PDE10A: variants seen among roughly 807,000 people sequenced by gnomAD.
PDE10A encodes phosphodiesterase 10A, also known as cAMP and cAMP-inhibited cGMP 3',5'-cyclic phosphodiesterase 10A.
A neutral mutation model predicts 97.7 loss-of-function variants in PDE10A; 39 were observed. The observed-to-expected ratio is 0.40, with a 90% confidence interval of 0.31 to 0.52. PDE10A has a LOEUF of 0.52. Ranked by LOEUF, PDE10A falls within the 20% of genes least tolerant of loss-of-function variation. The pLI, the probability that PDE10A is intolerant of heterozygous loss-of-function variation, is 0.56. For synonymous variants in PDE10A, 371 were observed against 376.8 expected, an observed-to-expected ratio of 0.98 and a Z score of 0.18; for missense variants, 731 against 1,047.8, an observed-to-expected ratio of 0.70 and a Z score of 4.17.
intron 1 of PDE10A, among the ~76,000 whole-genome samples, chr6:165,938,845 A>G (rs1172162275): frequency 1.3e-5 from 2 of 152,250 alleles, no homozygotes; most frequent in Non-Finnish European, 2.9e-5. Context: ...ATGAAATTGT[A>G]GATAATAAAA....
At chr6:165,475,746 T>C (rs1414972728) in intron 3 of PDE10A, among the ~76,000 whole-genome samples, 1 of 152,224 alleles carries the variant, frequency 6.6e-6, no homozygotes, top group African/African-American at 2.4e-5. Context: ...ATTCACTAAC[T>C]GAATTGAGCA....
chr6:165,985,228 G>A (rs1785155110), intron 1 of PDE10A, among the ~76,000 whole-genome samples: 1 of 152,172 alleles, frequency 6.6e-6, no homozygotes, highest in African/African-American at 2.4e-5. Flanking sequence ...TCTCCATCTG[G>A]TTCATTTTTC....
At chr6:165,724,916 G>A (rs1792255102) in intron 1 of PDE10A, among the ~76,000 whole-genome samples, 2 of 152,222 alleles carry the variant, frequency 1.3e-5, no homozygotes, top group African/African-American at 4.8e-5. Context: ...GGTGATATGG[G>A]AGGGGGGCTC....
chr6:165,417,304 C>A (rs549699458), intron 11 of PDE10A, among the ~76,000 whole-genome samples: 6 of 152,196 alleles, frequency 3.9e-5, no homozygotes, highest in Admixed American at 3.9e-4. Flanking sequence ...GTATCAGAAT[C>A]CATTTGATGA....
At chr6:165,523,280 A>G (rs926426454) in intron 2 of PDE10A, among the ~76,000 whole-genome samples, 4 of 152,194 alleles carry the variant, frequency 2.6e-5, no homozygotes, top group African/African-American at 9.6e-5. Context: ...TCTAAAATTC[A>G]TATGGAACCA....
intron 1 of PDE10A, among the ~76,000 whole-genome samples, chr6:165,627,407 T>C (rs1365293682): frequency 6.6e-6 from 1 of 152,242 alleles, no homozygotes; most frequent in Non-Finnish European, 1.5e-5. Context: ...TGCCATATGA[T>C]TAATTCTTAG....
chr6:165,498,791 C>G (rs940067245), intron 2 of PDE10A, among the ~76,000 whole-genome samples: 2 of 152,126 alleles, frequency 1.3e-5, no homozygotes, highest in Non-Finnish European at 2.9e-5. Context: ...AAATCTATCA[C>G]CTTACTTTTG....
intron 5 of PDE10A, among the ~76,000 whole-genome samples, chr6:165,443,211 G>C (rs1344510040): frequency 6.6e-6 from 1 of 151,026 alleles, no homozygotes; most frequent in Non-Finnish European, 1.5e-5. Flanking sequence ...AAACAAGTTA[G>C]TTACTTGTTT....
chr6:165,751,605 CA>C (rs1230331962), intron 1 of PDE10A, among the ~76,000 whole-genome samples: 2 of 152,012 alleles, frequency 1.3e-5, no homozygotes, highest in Non-Finnish European at 2.9e-5. Flanking sequence ...CCCTGCTGAC[CA>C]AAACAGGATC....
At chr6:165,956,473 C>G (rs1217631655) in intron 1 of PDE10A, among the ~76,000 whole-genome samples, 1 of 152,124 alleles carries the variant, frequency 6.6e-6, no homozygotes, top group African/African-American at 2.4e-5. Flanking sequence ...TGATGAAAGT[C>G]ACATAAGAAA....
intron 6 of PDE10A, among the ~76,000 whole-genome samples, chr6:165,433,880 G>A (rs1269104953): frequency 2.0e-5 from 3 of 151,720 alleles, no homozygotes; most frequent in South Asian, 4.2e-4. Context: ...AGCCGGGCGC[G>A]GTGGCAGGCG....
intron 1 of PDE10A, among the ~76,000 whole-genome samples, chr6:165,678,029 T>G: frequency 6.6e-6 from 1 of 151,094 alleles, no homozygotes; most frequent in Admixed American, 6.6e-5. Flanking sequence ...GTGTAGCTGT[T>G]TGTGTGGGTG....
intron 1 of PDE10A, among the ~76,000 whole-genome samples, chr6:165,695,000 A>G (rs1343549900): frequency 6.6e-6 from 1 of 152,236 alleles, no homozygotes; most frequent in African/African-American, 2.4e-5. Flanking sequence ...AATGAAGTCA[A>G]TGGAAAATTA....
At chr6:165,573,481 T>C (rs1403451859) in intron 1 of PDE10A, among the ~76,000 whole-genome samples, 1 of 152,162 alleles carries the variant, frequency 6.6e-6, no homozygotes, top group Non-Finnish European at 1.5e-5. Flanking sequence ...CCCCTCCTCA[T>C]AGATTTACTA....
chr6:165,881,158 T>C (rs1031559733), intron 1 of PDE10A, among the ~76,000 whole-genome samples: 8 of 152,194 alleles, frequency 5.3e-5, no homozygotes, highest in Admixed American at 3.9e-4. Context: ...CTGATGTGTT[T>C]CACCTTCTTT....
At chr6:165,779,854 T>G (rs1372885539) in intron 1 of PDE10A, among the ~76,000 whole-genome samples, 3 of 152,118 alleles carry the variant, frequency 2.0e-5, no homozygotes, top group Admixed American at 6.5e-5. Context: ...TTCCTCCTCC[T>G]CAGGTTTGCC....
chr6:165,963,313 G>A lies in PDE10A; in HGVS notation c.-615+24216C>T, dbSNP rs147765415. 3.9e-5 allele frequency among the ~76,000 whole-genome samples: 6 copies of A among 152,300 alleles called. No homozygotes were observed. In the East Asian group the frequency reaches 1.2e-3, roughly 29 times the overall value. On this transcript the variant is annotated intron_variant, in intron 1 of 19. Transcript: ENST00000366882. ...TACTAATGACTTACATCTGAATAAT[G>A]CTTCACAGTTTTCAAAACCTCTTTT... is the stretch of plus-strand genomic sequence containing the variant.
At chr6:165,972,075 A>G (rs1376305081) in intron 1 of PDE10A, among the ~76,000 whole-genome samples, 2 of 152,214 alleles carry the variant, frequency 1.3e-5, no homozygotes, top group Admixed American at 1.3e-4. Context: ...CGCTGTAACA[A>G]AGGAAGCCTG....
chr6:165,368,282 C>G (rs1257270186), intron 18 of PDE10A, among the ~76,000 whole-genome samples: 3 of 152,226 alleles, frequency 2.0e-5, no homozygotes, highest in African/African-American at 7.2e-5. Context: ...AGGTGTGAGT[C>G]ACCACACCCA....
Sources: allele counts gnomAD v4.1 joint callset (sites outside exome capture counted in the v4.1 genomes callset), GRCh38; gene constraint gnomAD v4.1.1; transcripts MANE v1.5; gene names NCBI Gene and HGNC (gene_info 2026-07-23, HGNC 2026-07-21).